The following DYM variants were observed in gnomAD, a reference collection of about 807,000 sequenced individuals.
The protein encoded by DYM is dyggve-Melchior-Clausen syndrome protein.
A neutral mutation model predicts 93.1 loss-of-function variants in DYM; 78 were observed. That is an observed-to-expected ratio of 0.84 (90% CI 0.70 to 1.01). The LOEUF (loss-of-function observed/expected upper bound fraction) is 1.01. DYM is among the 50% of genes least tolerant of loss of function. The probability of loss-of-function intolerance (pLI) is 0.00; values close to 1 mark genes in which losing one functional copy is unlikely to be tolerated. For missense variants in DYM, 789 were observed against 845.0 expected (o/e 0.93, Z 0.82); for synonymous variants, 321 against 319.7 (o/e 1.00, Z -0.04).
chr18:49,229,470 A>G (rs2093635261), intron 13 of DYM, among the ~76,000 whole-genome samples: 1 of 152,204 alleles, frequency 6.6e-6, no homozygotes, highest in Admixed American at 6.5e-5. Context: ...AAAGATCTAA[A>G]TAGACATTTC....
chr18:49,445,456 T>C (rs900327102), intron 1 of DYM, among the ~76,000 whole-genome samples: 2 of 151,782 alleles, frequency 1.3e-5, no homozygotes, highest in Admixed American at 6.6e-5. Context: ...AAAGGACACC[T>C]GAAATTTAAA....
chr18:49,353,695 T>C (rs1249345278), intron 6 of DYM, among the ~76,000 whole-genome samples: 1 of 151,620 alleles, frequency 6.6e-6, no homozygotes, highest in Non-Finnish European at 1.5e-5. Context: ...ACCAAGAAAA[T>C]AAAACACTTG....
In DYM at chr18:49,131,322, T is replaced by C. The variant is rs72642445; in HGVS notation, c.1729-12396A>G. ...AAGCAAGCGAGCAAGTGAGCTCTGG[T>C]GTCTCTGCCTCTTCTTTGTTTTTTG... On this transcript the variant is annotated intron_variant, in intron 15 of 17. Coordinates refer to ENST00000675505, the MANE Select transcript of DYM (RefSeq NM_001353214.3). Among the ~76,000 whole-genome samples, 517 of 150,344 alleles carry C rather than the reference T, an allele frequency of 3.4e-3. 26 individuals are homozygous for C. The East Asian group carries it at 0.089, about 26-fold the overall frequency.
In DYM at chr18:49,163,714, T is replaced by A. The variant is rs1275687698; in HGVS notation, c.1699A>T (p.Ser567Cys). Residue 567 changes from serine to cysteine, a missense_variant, in exon 15 of 18, where the codon AGT (serine) becomes TGT (cysteine). Coordinates refer to ENST00000675505, the MANE Select transcript of DYM (RefSeq NM_001353214.3). ...TCTGGTAGAGGAACATCATTAGAAC[T>A]CAGCGAACCTCTCAAGGACTGTGTG... ...QATQSLRGSL[S>C]SNDVPLPDYA... 6.2e-7 allele frequency: 1 copy of A among 1,612,422 alleles called. No homozygotes were observed. The highest frequency in any genetic ancestry group is 1.7e-5 in the Admixed American group (1 of 59,920).
chr18:49,291,120 A>G (rs533667731), intron 8 of DYM, among the ~76,000 whole-genome samples: 7 of 152,320 alleles, frequency 4.6e-5, no homozygotes, highest in African/African-American at 1.7e-4. Context: ...TTGCATATAC[A>G]TATTTTTTAT....
chr18:49,315,151 G>A (rs1344815247), intron 8 of DYM, among the ~76,000 whole-genome samples: 1 of 151,802 alleles, frequency 6.6e-6, no homozygotes, highest in African/African-American at 2.4e-5. Flanking sequence ...AGAGGCGGAG[G>A]TTGCAGTGAA....
At chr18:49,245,290 A>G (rs963556334) in intron 13 of DYM, among the ~76,000 whole-genome samples, 1 of 152,248 alleles carries the variant, frequency 6.6e-6, no homozygotes. Flanking sequence ...AAAGAACAGA[A>G]TAACAGCGAT....
At chr18:49,155,052 T>C (rs919756055) in intron 15 of DYM, among the ~76,000 whole-genome samples, 6 of 152,194 alleles carry the variant, frequency 3.9e-5, no homozygotes, top group African/African-American at 1.4e-4. Flanking sequence ...GAATACTGCA[T>C]TGGATGAATT....
chr18:49,104,113 G>A (rs2080505549), intron 16 of DYM, among the ~76,000 whole-genome samples: 2 of 152,026 alleles, frequency 1.3e-5, no homozygotes. Context: ...AGTTCTCCTT[G>A]AAGAGATCCT....
chr18:49,109,283 G>A (rs550091485), intron 16 of DYM, among the ~76,000 whole-genome samples: 3 of 152,020 alleles, frequency 2.0e-5, no homozygotes, highest in Non-Finnish European at 4.4e-5. Flanking sequence ...TGTTGTTGTT[G>A]TTCCACTATT....
intron 1 of DYM, among the ~76,000 whole-genome samples, chr18:49,443,455 C>T (rs1756593564): frequency 6.6e-6 from 1 of 152,176 alleles, no homozygotes; most frequent in Admixed American, 6.5e-5. Context: ...TTACCAGTGA[C>T]TATCACGTCA....
intron 8 of DYM, among the ~76,000 whole-genome samples, chr18:49,331,651 G>T (rs575739985): frequency 6.6e-6 from 1 of 152,300 alleles, no homozygotes; most frequent in African/African-American, 2.4e-5. Flanking sequence ...ACGATGTTTT[G>T]TAGGTAATCC....
intron 17 of DYM, among the ~76,000 whole-genome samples, chr18:49,045,631 G>C (rs2071382696): frequency 1.3e-5 from 2 of 152,224 alleles, no homozygotes; most frequent in Admixed American, 6.5e-5. Context: ...ATGGAGGAGA[G>C]AGACAGAAAC....
chr18:49,290,051 C>A (rs919696171), intron 8 of DYM, among the ~76,000 whole-genome samples: 1 of 150,960 alleles, frequency 6.6e-6, no homozygotes, highest in Non-Finnish European at 1.5e-5. Context: ...TGCACATACT[C>A]ATGAGCCCAG....
rs72500406 is a variant in DYM, at chr18:49,206,003, G to GTTTTTTTTTT, written c.1625+3547_1625+3548insAAAAAAAAAA. 691 of 142,596 alleles carry GTTTTTTTTTT rather than the reference G, an allele frequency of 4.8e-3. 36 individuals are homozygous for GTTTTTTTTTT. Among genetic ancestry groups the GTTTTTTTTTT allele is most frequent in the East Asian group, 0.015 (93 of 6,152 alleles). The allele number at this position is 142,596 out of a possible 1,614,324, so 8.8% of individuals were successfully genotyped here. A position where few individuals can be genotyped will look rare whatever the true frequency, so the allele number is the denominator to read the frequency against. On this transcript the variant is annotated intron_variant, in intron 14 of 17. Transcript: ENST00000675505. ...TTGACTAAGGTAGAGTTTTTTTTTTGTTTTTTTGTTTTTTGCGGAGTCTTG... is the reference window on the plus strand; with the variant it reads ...TTGACTAAGGTAGAGTTTTTTTTTTGTTTTTTTTTTTTTTTTTGTTTTTTGCGGAGTCTTG...
Position 49,322,138 on chromosome 18 carries a change from C to T in DYM, c.763+9726G>A, listed in dbSNP as rs181094057. On this transcript the variant is annotated intron_variant, in intron 8 of 17. Coordinates refer to ENST00000675505, the MANE Select transcript of DYM (RefSeq NM_001353214.3). ...TACTGTATGAATTTCTCTATCATAG[C>T]ATTTGCCTAAAGAAATAAACACTCC... 5.9e-5 allele frequency among the ~76,000 whole-genome samples: 9 copies of T among 152,136 alleles called. No individual in the cohort carries two copies. In the East Asian group the frequency reaches 9.6e-4, roughly 16 times the overall value.
chr18:49,364,961 C>T (rs768616239), intron 5 of DYM, among the ~76,000 whole-genome samples: 2 of 152,178 alleles, frequency 1.3e-5, no homozygotes, highest in African/African-American at 2.4e-5. Flanking sequence ...TCTTGCGTTG[C>T]ATATGTTGGT....
intron 5 of DYM, among the ~76,000 whole-genome samples, chr18:49,365,412 T>C (rs74553417): frequency 0.091 from 13,885 of 152,010 alleles, 858 homozygotes; most frequent in East Asian, 0.31. Flanking sequence ...GCTCTATTAT[T>C]AGTGAAGAAA....
chr18:49,441,451 G>A (rs1165678752), intron 1 of DYM, among the ~76,000 whole-genome samples: 3 of 140,306 alleles, frequency 2.1e-5, no homozygotes, highest in Non-Finnish European at 1.5e-5. Context: ...GGAGATCAGA[G>A]AAATAATGGG....
Sources: gnomAD v4.1 joint callset for allele counts (sites outside exome capture counted in the v4.1 genomes callset) on GRCh38, gnomAD v4.1.1 for gene constraint, MANE v1.5 for transcripts, NCBI Gene and HGNC (gene_info 2026-07-23, HGNC 2026-07-21) for gene names.